The following YTHDC2 variants were observed in gnomAD, a reference collection of about 807,000 sequenced individuals.
The protein encoded by YTHDC2 is 3'-5' RNA helicase YTHDC2.
A neutral mutation model predicts 174.9 loss-of-function variants in YTHDC2; 45 were observed. The ratio of observed to expected loss-of-function variants is 0.26; its 90% CI spans 0.20 to 0.33. The LOEUF (loss-of-function observed/expected upper bound fraction) is 0.33. Among genes scored for constraint, YTHDC2 ranks in the 10% least tolerant of loss-of-function variants. The probability of loss-of-function intolerance (pLI) is 1.00; values close to 1 mark genes in which losing one functional copy is unlikely to be tolerated. For synonymous variants in YTHDC2, 657 were observed against 574.5 expected (o/e 1.14, Z -2.05); for missense variants, 1,650 against 1,723.7 (o/e 0.96, Z 0.76).
intron 4 of YTHDC2, among the ~76,000 whole-genome samples, chr5:113,529,243 A>G (rs1435051018): frequency 6.6e-6 from 1 of 152,188 alleles, no homozygotes; most frequent in African/African-American, 2.4e-5. Flanking sequence ...TTTACAGATG[A>G]GGAATACAAA....
At chr5:113,546,162 A>C (rs1488462961) in intron 10 of YTHDC2, among the ~76,000 whole-genome samples, 5 of 152,216 alleles carry the variant, frequency 3.3e-5, no homozygotes, top group African/African-American at 1.2e-4. Flanking sequence ...AGAGTTTAGC[A>C]ATCTTACTTG....
At chr5:113,556,684 T>G (rs1776632238) in intron 17 of YTHDC2, among the ~76,000 whole-genome samples, 1 of 152,186 alleles carries the variant, frequency 6.6e-6, no homozygotes, top group African/African-American at 2.4e-5. Context: ...CAATAGTCTT[T>G]CATATTTTAC....
Position 113,539,100 on chromosome 5 carries a change from G to C in YTHDC2, c.1129G>C (p.Glu377Gln), listed in dbSNP as rs745528145. The C allele has an allele frequency of 4.9e-6, 7 of 1,428,474 alleles. No homozygotes were observed. The highest frequency in any genetic ancestry group is 5.6e-6 in the Non-Finnish European group (6 of 1,063,182). 88.5% of individuals were successfully genotyped at this position (1,428,474 alleles called of 1,614,324 possible). ...YIQGRPFEVK[E>Q]MFLEDILRTT... Reference sequence around the variant, plus strand: ...ACAGGGAAGACCATTTGAAGTAAAAGAAATGTTTCTGGAAGATATTTTAAG... The same window carrying C: ...ACAGGGAAGACCATTTGAAGTAAAACAAATGTTTCTGGAAGATATTTTAAG... The change falls in exon 8 of 30, where the codon GAA becomes CAA. Residue 377 changes from glutamate (E) to glutamine (Q), a missense_variant. Around this residue, in one of 5 missense-constraint regions of YTHDC2, gnomAD observed 411 missense variants for 380.6 expected, o/e 1.08. Transcript: ENST00000161863.
intron 26 of YTHDC2, among the ~76,000 whole-genome samples, chr5:113,589,409 ATATATAT>A (rs1482894616): frequency 7.7e-4 from 69 of 89,122 alleles, no homozygotes; most frequent in African/African-American, 2.6e-3. Flanking sequence ...AAAAAAAAAA[ATATATAT>A]ATATATATAT....
chr5:113,582,214 G>A (rs1172350442), intron 25 of YTHDC2: 1 of 152,232 alleles, frequency 6.6e-6, no homozygotes, highest in Admixed American at 6.5e-5. Flanking sequence ...GGATCTAGAA[G>A]TGTACAAAAC....
At chr5:113,580,179 A>G (rs1256809721) in intron 24 of YTHDC2, among the ~76,000 whole-genome samples, 1 of 152,062 alleles carries the variant, frequency 6.6e-6, no homozygotes. Context: ...TCATGACTCA[A>G]TCACCCCTCA....
Position 113,564,151 on chromosome 5 carries a change from A to G in YTHDC2, c.2715+20A>G. On this transcript the variant is annotated intron_variant, in intron 20 of 29. Transcript: ENST00000161863. Reference sequence around the variant, plus strand: ...TTCCAGGTACTATTACTGTCATTTTATTTCTGAAGACGTTGCTGGGTAAAC... The same window carrying G: ...TTCCAGGTACTATTACTGTCATTTTGTTTCTGAAGACGTTGCTGGGTAAAC... 1 of 1,576,752 alleles carries G rather than the reference A, an allele frequency of 6.3e-7. No individual in the cohort carries two copies. Among genetic ancestry groups the G allele is most frequent in the Non-Finnish European group, 8.6e-7 (1 of 1,157,336 alleles).
Position 113,533,013 on chromosome 5 carries a change from A to G in YTHDC2, c.810A>G (p.Gln270=), listed in dbSNP as rs1774785275. The G allele has an allele frequency of 1.9e-6, 3 of 1,614,080 alleles. No homozygotes were observed. Among genetic ancestry groups the G allele is most frequent in the East Asian group, 2.2e-5 (1 of 44,892 alleles). ...VAAERRERIG[Q]TIGYQIRLES... Reference sequence around the variant, plus strand: ...CAGAGAGACGGGAAAGGATTGGTCAAACAATTGGTTATCAGATCCGATTAG... The same window carrying G: ...CAGAGAGACGGGAAAGGATTGGTCAGACAATTGGTTATCAGATCCGATTAG... The change falls in exon 5 of 30, where the codon CAA becomes CAG. Residue 270 remains glutamine (Q), a synonymous_variant. Coordinates refer to ENST00000161863, the MANE Select transcript of YTHDC2 (RefSeq NM_022828.5).
intron 23 of YTHDC2, among the ~76,000 whole-genome samples, 183 bp from the exon 24 acceptor site, chr5:113,579,402 CT>C (rs531403889): frequency 2.0e-5 from 3 of 151,762 alleles, no homozygotes; most frequent in East Asian, 1.9e-4. Flanking sequence ...CAAATGGTCC[CT>C]TTTTTTTCCT....
Position 113,525,148 on chromosome 5 carries a change from A to G in YTHDC2, c.446A>G (p.Glu149Gly). Residue 149 changes from glutamate (E) to glycine (G), a missense_variant, in exon 3 of 30, where the codon GAA (glutamate) becomes GGA (glycine). By Grantham distance (98) the Glu-to-Gly change is moderately conservative (BLOSUM62 -2). Around this residue, in one of 5 missense-constraint regions of YTHDC2, gnomAD observed 304 missense variants for 341.4 expected, o/e 0.89. Transcript: ENST00000161863. ...CGTACAGAACTTCTGCCTAAAACAG[A>G]AAGAGGAAATGTGTTTGCAGTTGAA... ...KERTELLPKTERGNVFAVEAE... is the reference protein window; with the variant it reads ...KERTELLPKTGRGNVFAVEAE... 1 of 1,602,354 alleles carries G rather than the reference A, an allele frequency of 6.2e-7. No homozygotes were observed. Among genetic ancestry groups the G allele is most frequent in the Non-Finnish European group, 8.5e-7 (1 of 1,175,392 alleles).
intron 2 of YTHDC2, among the ~76,000 whole-genome samples, chr5:113,518,050 G>T (rs576346515): frequency 6.6e-6 from 1 of 151,786 alleles, no homozygotes. Context: ...CACCACGCCC[G>T]GCTAATTTTT....
intron 26 of YTHDC2, 56 bp from the exon 27 acceptor site, chr5:113,590,985 C>A (rs559866086): frequency 2.8e-6 from 4 of 1,435,308 alleles, no homozygotes; most frequent in Non-Finnish European, 3.8e-6. Context: ...TTTAATGGAG[C>A]CTCTTGGTTT....
intron 6 of YTHDC2, among the ~76,000 whole-genome samples, chr5:113,534,703 A>G (rs965404201): frequency 2.6e-5 from 4 of 152,156 alleles, no homozygotes; most frequent in African/African-American, 9.7e-5. Flanking sequence ...AAAATGATGC[A>G]TGCACTTAGA....
chr5:113,591,490 A>T (rs1202071414), intron 27 of YTHDC2, among the ~76,000 whole-genome samples: 1 of 152,144 alleles, frequency 6.6e-6, no homozygotes, highest in Non-Finnish European at 1.5e-5. Flanking sequence ...CTTTAGATTT[A>T]CTAATTCTCA....
chr5:113,592,277 A>G, intron 28 of YTHDC2, 99 bp downstream of exon 28: 3 of 1,205,958 alleles, frequency 2.5e-6, no homozygotes, highest in Non-Finnish European at 2.2e-6. Flanking sequence ...TACAAATTTT[A>G]TATTCCATAT....
intron 10 of YTHDC2, among the ~76,000 whole-genome samples, chr5:113,546,216 T>C (rs1425980213): frequency 1.3e-5 from 2 of 152,226 alleles, no homozygotes; most frequent in Admixed American, 6.5e-5. Flanking sequence ...CTTTAAAATA[T>C]TTATGATGCA....
rs926325815 is a variant in YTHDC2 at position 113,551,544 on chromosome 5, A to G, written c.1689-1637A>G. 1.5e-4 allele frequency among the ~76,000 whole-genome samples: 23 copies of G among 152,250 alleles called. No individual in the cohort carries two copies. The South Asian group carries it at 2.5e-3, about 16-fold the overall frequency. ...ACAGTGTTTTAAAGTAGATCTTAAA[A>G]TTTATAAGAGCTGAGAACACATGGA... On this transcript the variant is annotated intron_variant, in intron 12 of 29. Coordinates refer to ENST00000161863, the MANE Select transcript of YTHDC2 (RefSeq NM_022828.5).
intron 23 of YTHDC2, among the ~76,000 whole-genome samples, chr5:113,569,078 G>T (rs1327656632): frequency 6.6e-6 from 1 of 152,064 alleles, no homozygotes; most frequent in Admixed American, 6.6e-5. Context: ...TTGTGGTTTT[G>T]AATTGCATTC....
intron 26 of YTHDC2, among the ~76,000 whole-genome samples, chr5:113,590,390 A>C (rs1389401768): frequency 6.6e-6 from 1 of 152,212 alleles, no homozygotes; most frequent in Non-Finnish European, 1.5e-5. Context: ...GTTCTGGCTG[A>C]AGATAACACG....
Sources: allele counts gnomAD v4.1 joint callset (sites outside exome capture counted in the v4.1 genomes callset), GRCh38; gene constraint gnomAD v4.1.1; regional missense constraint gnomAD v4.1.1; transcripts MANE v1.5; gene names NCBI Gene and HGNC (gene_info 2026-07-23, HGNC 2026-07-21).